The following LCOR variants were observed in gnomAD, a reference collection of about 807,000 sequenced individuals.
LCOR encodes ligand dependent nuclear receptor corepressor.
In LCOR, 14 loss-of-function variants were observed where a neutral mutation model predicts 64.4. The ratio of observed to expected loss-of-function variants is 0.22; its 90% confidence interval spans 0.14 to 0.34. The LOEUF (loss-of-function observed/expected upper bound fraction) is 0.34, where lower values mean the gene tolerates loss of function less well. Among genes scored for constraint, LCOR ranks in the 10% least tolerant of loss-of-function variants. The pLI, the probability that LCOR is intolerant of heterozygous loss-of-function variation, is 1.00. For synonymous variants in LCOR, 643 were observed against 642.5 expected, an observed-to-expected ratio of 1.00 and a Z score of -0.01; for missense variants, 1,686 against 1,765.3, an observed-to-expected ratio of 0.96 and a Z score of 0.80.
At chr10:96,950,130 CAT>C (rs1847652607) in intron 6 of LCOR, among the ~76,000 whole-genome samples, 1 of 152,086 alleles carries the variant, frequency 6.6e-6, no homozygotes, top group African/African-American at 2.4e-5. Context: ...ATTTTATTGT[CAT>C]AGAAATCTTG....
chr10:96,944,412 G>A (rs7910022), intron 5 of LCOR, among the ~76,000 whole-genome samples, 167 bp downstream of exon 5: 2,608 of 152,168 alleles, frequency 0.017, 70 homozygotes, highest in African/African-American at 0.058. Flanking sequence ...TTAGGATTAA[G>A]GAAACCCTGT....
intron 2 of LCOR, among the ~76,000 whole-genome samples, chr10:96,873,465 ATT>A (rs1437746256): frequency 6.6e-6 from 1 of 152,060 alleles, no homozygotes; most frequent in East Asian, 1.9e-4. Flanking sequence ...TGAAATTTAC[ATT>A]CTTTTCTTTA....
intron 4 of LCOR, among the ~76,000 whole-genome samples, chr10:96,919,237 G>C (rs537916023): frequency 4.9e-4 from 75 of 152,298 alleles, no homozygotes; most frequent in African/African-American, 1.6e-3. Context: ...ATTAGGGTTA[G>C]AGTTCCATAG....
intron 2 of LCOR, among the ~76,000 whole-genome samples, chr10:96,887,084 G>A (rs989293260): frequency 2.0e-5 from 3 of 152,186 alleles, no homozygotes; most frequent in Admixed American, 2.0e-4. Context: ...ATATTAAGGT[G>A]TCATTTCCCC....
At chr10:96,912,598 T>TCC (rs1846858822) in intron 4 of LCOR, among the ~76,000 whole-genome samples, 4 of 141,536 alleles carry the variant, frequency 2.8e-5, no homozygotes, top group East Asian at 4.0e-4. Flanking sequence ...AGATCTTCCT[T>TCC]TCTTCCTTTC....
chr10:96,893,074 T>A (rs1225699096), intron 2 of LCOR, among the ~76,000 whole-genome samples: 1 of 152,202 alleles, frequency 6.6e-6, no homozygotes, highest in Non-Finnish European at 1.5e-5. Context: ...TTTATTTTAC[T>A]ACATAATAGT....
At chr10:96,975,103 G>C (rs937862485) in intron 7 of LCOR, among the ~76,000 whole-genome samples, 5 of 152,334 alleles carry the variant, frequency 3.3e-5, no homozygotes, top group Non-Finnish European at 7.3e-5. Flanking sequence ...CCCGGGAGGT[G>C]GCGGTTGCCG....
chr10:96,932,859 T>G (rs1847286354), intron 4 of LCOR, among the ~76,000 whole-genome samples: 1 of 152,252 alleles, frequency 6.6e-6, no homozygotes. Flanking sequence ...GTATAACTTT[T>G]CCTTAGAAAA....
At chr10:96,967,724 T>C (rs193039110) in intron 7 of LCOR, among the ~76,000 whole-genome samples, 1 of 152,242 alleles carries the variant, frequency 6.6e-6, no homozygotes, top group Non-Finnish European at 1.5e-5. Context: ...AAAAAAAAGA[T>C]CTGGATATCA....
chr10:96,987,875 C>G lies in LCOR; in HGVS notation c.*2741C>G, dbSNP rs892237575. On this transcript the variant is annotated 3_prime_UTR_variant, in exon 8 of 8. Coordinates refer to ENST00000421806, the MANE Select transcript of LCOR (RefSeq NM_001346516.2). Reference sequence around the variant, plus strand: ...ATTGTTTTCCCTACCTTGCAAAAACCTTCTTCCCAGAGCCATCTTCAAGAA... The same window carrying G: ...ATTGTTTTCCCTACCTTGCAAAAACGTTCTTCCCAGAGCCATCTTCAAGAA... 11 of 152,216 alleles carry G rather than the reference C, an allele frequency of 7.2e-5. No individual in the cohort carries two copies. Among genetic ancestry groups the G allele is most frequent in the African/African-American group, 2.4e-4 (10 of 41,446 alleles). 9.4% of individuals were successfully genotyped at this position (152,216 alleles called of 1,614,324 possible). A position where few individuals can be genotyped will look rare whatever the true frequency, so the allele number is the denominator to read the frequency against.
chr10:96,943,752 TAAA>T (rs534758194), intron 4 of LCOR, among the ~76,000 whole-genome samples: 5 of 139,942 alleles, frequency 3.6e-5, no homozygotes, highest in African/African-American at 1.0e-4. Flanking sequence ...TTTGGTAAAT[TAAA>T]AAAAAAAAAG....
chr10:96,894,069 A>T (rs1846495181), intron 2 of LCOR, among the ~76,000 whole-genome samples: 1 of 152,168 alleles, frequency 6.6e-6, no homozygotes, highest in South Asian at 2.1e-4. Flanking sequence ...CGTAGGATCA[A>T]GACTATTGAT....
chr10:96,845,473 TTTTTTTTTTTTTTG>T (rs1206651923), intron 2 of LCOR, among the ~76,000 whole-genome samples: 12 of 91,766 alleles, frequency 1.3e-4, no homozygotes, highest in African/African-American at 5.6e-4. Flanking sequence ...TTTTTTTTTT[TTTTTTTTTTTTTTG>T]AGACGGAGTC....
At chr10:96,843,031 C>CTCT (rs1267181986) in intron 2 of LCOR, among the ~76,000 whole-genome samples, 1 of 152,160 alleles carries the variant, frequency 6.6e-6, no homozygotes, top group Non-Finnish European at 1.5e-5. Flanking sequence ...GTTTGATGAT[C>CTCT]TCTTGTTTTT....
At chr10:96,920,670 G>GTA (rs138962511) in intron 4 of LCOR, among the ~76,000 whole-genome samples, 21,964 of 132,544 alleles carry the variant, frequency 0.17, 3,411 homozygotes, top group African/African-American at 0.39. Context: ...ATGTATATAT[G>GTA]TATATATTCA....
At chr10:96,887,415 T>C (rs1193696836) in intron 2 of LCOR, among the ~76,000 whole-genome samples, 4 of 151,734 alleles carry the variant, frequency 2.6e-5, no homozygotes, top group Non-Finnish European at 5.9e-5. Flanking sequence ...TACAAAAAAT[T>C]AGCCGGGCGT....
chr10:96,943,737 T>A (rs1847538691), intron 4 of LCOR, among the ~76,000 whole-genome samples: 1 of 150,892 alleles, frequency 6.6e-6, no homozygotes, highest in East Asian at 1.9e-4. Context: ...AAAAAAAATT[T>A]TTTTTTTGGT....
chr10:96,895,147 C>A (rs1251142058), intron 2 of LCOR, among the ~76,000 whole-genome samples: 1 of 152,168 alleles, frequency 6.6e-6, no homozygotes, highest in Non-Finnish European at 1.5e-5. Context: ...CTTTTAACTT[C>A]AAAGTCACCT....
chr10:96,874,733 G>A (rs1846135201), intron 2 of LCOR, among the ~76,000 whole-genome samples: 1 of 151,816 alleles, frequency 6.6e-6, no homozygotes, highest in Non-Finnish European at 1.5e-5. Context: ...TGCCTCCTGG[G>A]CTCAGGCGAT....
Sources: gnomAD v4.1 joint callset for allele counts (sites outside exome capture counted in the v4.1 genomes callset) on GRCh38, gnomAD v4.1.1 for gene constraint, MANE v1.5 for transcripts, NCBI Gene and HGNC (gene_info 2026-07-23, HGNC 2026-07-21) for gene names.